Variants in TPH2 observed in about 807,000 individuals in gnomAD.
The protein encoded by TPH2 is tryptophan 5-hydroxylase 2.
In TPH2, 27 loss-of-function variants were observed where a neutral mutation model predicts 59.1. The observed-to-expected ratio is 0.46, with a 90% CI of 0.34 to 0.63. TPH2 has a LOEUF of 0.63. Among genes scored for constraint, TPH2 ranks in the 30% least tolerant of loss-of-function variants. The probability of loss-of-function intolerance (pLI) is 0.01; values close to 1 mark genes in which losing one functional copy is unlikely to be tolerated. For synonymous variants in TPH2, 220 were observed against 210.5 expected (o/e 1.05, Z -0.39); for missense variants, 523 against 588.3 (o/e 0.89, Z 1.15).
At chr12:71,993,692 G>A (rs1365644078) in intron 7 of TPH2, among the ~76,000 whole-genome samples, 1 of 152,168 alleles carries the variant, frequency 6.6e-6, no homozygotes, top group African/African-American at 2.4e-5. Flanking sequence ...GCTTATATTA[G>A]AGCCATAAAT....
At chr12:71,993,448 G>T (rs1047691403) in intron 7 of TPH2, among the ~76,000 whole-genome samples, 1 of 152,016 alleles carries the variant, frequency 6.6e-6, no homozygotes, top group Non-Finnish European at 1.5e-5. Context: ...CAACCATAGG[G>T]GAATTCAATC....
At chr12:71,970,258 G>A (rs1304442437) in intron 5 of TPH2, among the ~76,000 whole-genome samples, 1 of 152,122 alleles carries the variant, frequency 6.6e-6, no homozygotes, top group African/African-American at 2.4e-5. Flanking sequence ...GCATTGCACC[G>A]GTTTTTAACT....
intron 4 of TPH2, among the ~76,000 whole-genome samples, chr12:71,947,513 T>C (rs933064210): frequency 6.6e-6 from 1 of 150,892 alleles, no homozygotes; most frequent in African/African-American, 2.4e-5. Flanking sequence ...AAATAAGGAG[T>C]AGTTTTGTGG....
At chr12:71,970,887 C>T (rs1169067100) in intron 5 of TPH2, among the ~76,000 whole-genome samples, 3 of 152,302 alleles carry the variant, frequency 2.0e-5, no homozygotes, top group Admixed American at 2.0e-4. Flanking sequence ...ATGTGAATTT[C>T]TGTTTTTTTC....
chr12:71,960,426 G>A (rs1871646020), intron 5 of TPH2, among the ~76,000 whole-genome samples: 1 of 152,222 alleles, frequency 6.6e-6, no homozygotes, highest in African/African-American at 2.4e-5. Context: ...TATTTGAAAT[G>A]CACAGTTCTT....
At chr12:71,964,917 C>A (rs1025022597) in intron 5 of TPH2, 3 of 212,396 alleles carry the variant, frequency 1.4e-5, no homozygotes, top group Non-Finnish European at 2.4e-5. Context: ...AGTTTACTTT[C>A]CTGCTCCTCA....
chr12:71,966,734 G>A (rs1465222023), intron 5 of TPH2, among the ~76,000 whole-genome samples: 8 of 152,046 alleles, frequency 5.3e-5, no homozygotes, highest in Non-Finnish European at 1.0e-4. Context: ...GAACACAATT[G>A]GTGTTGTGAT....
At position 72,031,631 on chromosome 12, in the gene TPH2, T is replaced by A. The variant is rs1873724885; in HGVS notation, c.1409T>A (p.Leu470His). The part of the protein sequence containing the change: ...TRSIENVVQD[L>H]RSDLNTVCDA... The stretch of plus-strand genomic sequence containing the variant: ...AGTATTGAAAATGTGGTGCAGGACC[T>A]TCGCAGCGACTTGAATACAGTGTGT... The change falls in exon 11 of 11, where the codon CTT becomes CAT. Residue 470 changes from leucine to histidine, a missense_variant. By Grantham distance (99) the Leu-to-His change is moderately conservative. Coordinates refer to ENST00000333850, the MANE Select transcript of TPH2 (RefSeq NM_173353.4). 3 of 1,613,674 alleles carry A rather than the reference T, an allele frequency of 1.9e-6. No homozygotes were observed. The highest frequency in any genetic ancestry group is 1.7e-4 in the Middle Eastern group (1 of 6,058).
chr12:72,022,054 T>C (rs541316179), intron 8 of TPH2, among the ~76,000 whole-genome samples: 7 of 152,340 alleles, frequency 4.6e-5, no homozygotes, highest in African/African-American at 9.6e-5. Context: ...TTGGTAAATA[T>C]ATAGCATATT....
intron 8 of TPH2, among the ~76,000 whole-genome samples, chr12:72,012,281 G>A (rs755392061): frequency 1.3e-4 from 20 of 152,294 alleles, no homozygotes; most frequent in East Asian, 1.9e-4. Flanking sequence ...CAGGAAGACT[G>A]GCAGTTTCTG....
intron 8 of TPH2, among the ~76,000 whole-genome samples, chr12:72,008,058 C>T (rs1322074093): frequency 1.3e-5 from 2 of 151,986 alleles, no homozygotes; most frequent in South Asian, 2.1e-4. Context: ...TGCAGTCTAC[C>T]GAGGGATATA....
At chr12:72,017,524 A>G (rs1216897519) in intron 8 of TPH2, among the ~76,000 whole-genome samples, 2 of 152,200 alleles carry the variant, frequency 1.3e-5, no homozygotes, top group Non-Finnish European at 2.9e-5. Flanking sequence ...ATTCATGAAC[A>G]CCAGCTTTGA....
At chr12:71,970,377 G>A (rs555403254) in intron 5 of TPH2, among the ~76,000 whole-genome samples, 1 of 152,284 alleles carries the variant, frequency 6.6e-6, no homozygotes, top group African/African-American at 2.4e-5. Flanking sequence ...TTAAGTAACA[G>A]ACCTGTATAA....
intron 2 of TPH2, among the ~76,000 whole-genome samples, chr12:71,942,044 G>A (rs1871084285): frequency 6.6e-6 from 1 of 152,100 alleles, no homozygotes; most frequent in Non-Finnish European, 1.5e-5. Flanking sequence ...GAGCCAAACA[G>A]GGTATCTTAA....
At chr12:71,972,901 C>A (rs1872014178) in intron 6 of TPH2, among the ~76,000 whole-genome samples, 186 bp downstream of exon 6, 1 of 152,164 alleles carries the variant, frequency 6.6e-6, no homozygotes, top group African/African-American at 2.4e-5. Context: ...GCTGCTTTTG[C>A]AGCTCAGGAG....
intron 8 of TPH2, among the ~76,000 whole-genome samples, chr12:71,998,019 C>A (rs1872734704): frequency 6.6e-6 from 1 of 152,030 alleles, no homozygotes; most frequent in Non-Finnish European, 1.5e-5. Context: ...AAGTGTCCTT[C>A]CAAGGAGGCC....
At chr12:71,976,604 AAAG>A (rs1872127483) in intron 6 of TPH2, among the ~76,000 whole-genome samples, 1 of 152,224 alleles carries the variant, frequency 6.6e-6, no homozygotes, top group Non-Finnish European at 1.5e-5. Context: ...TAATATGGAA[AAAG>A]AAGAAAATAC....
intron 5 of TPH2, among the ~76,000 whole-genome samples, chr12:71,950,688 C>G (rs896593926): frequency 6.6e-6 from 1 of 152,116 alleles, no homozygotes; most frequent in African/African-American, 2.4e-5. Context: ...AAATCCATCT[C>G]GTAAGGGAAA....
chr12:71,970,889 G>C (rs1422267613), intron 5 of TPH2, among the ~76,000 whole-genome samples: 2 of 152,224 alleles, frequency 1.3e-5, no homozygotes, highest in East Asian at 1.9e-4. Context: ...GTGAATTTCT[G>C]TTTTTTTCTT....
Sources: allele counts gnomAD v4.1 joint callset (sites outside exome capture counted in the v4.1 genomes callset), GRCh38; gene constraint gnomAD v4.1.1; transcripts MANE v1.5; gene names NCBI Gene and HGNC (gene_info 2026-07-23, HGNC 2026-07-21).